The following NRXN3 variants were observed in gnomAD, a reference collection of about 807,000 sequenced individuals.
NRXN3 encodes the protein neurexin III.
Under a neutral mutation model 137.6 loss-of-function variants are expected in NRXN3, and 32 were observed. That is an observed-to-expected ratio of 0.23 (90% CI 0.18 to 0.31). NRXN3 has a LOEUF of 0.31. NRXN3 is among the 10% of genes least tolerant of loss of function. The pLI, the probability that NRXN3 is intolerant of heterozygous loss-of-function variation, is 1.00. For synonymous variants in NRXN3, 798 were observed against 784.5 expected (o/e 1.02, Z -0.29); for missense variants, 1,574 against 2,062.5 (o/e 0.76, Z 4.59).
rs201932600 is a variant in NRXN3, at chr14:79,272,584, A to G, written c.3263-194637A>G. On this transcript the variant is annotated intron_variant, in intron 15 of 20. Transcript: ENST00000335750. ...AAGAAAGAGAGAAAATAAAGAATTA[A>G]AGAAATAGGAAAGAGAAGTCACTAG... 1.7e-3 allele frequency among the ~76,000 whole-genome samples: 262 copies of G among 152,322 alleles called. 2 individuals carry two copies. Among genetic ancestry groups the G allele is most frequent in the African/African-American group, 5.9e-3 (244 of 41,574 alleles).
chr14:78,579,463 T>G (rs1183152528), intron 4 of NRXN3, among the ~76,000 whole-genome samples: 1 of 151,918 alleles, frequency 6.6e-6, no homozygotes, highest in Non-Finnish European at 1.5e-5. Flanking sequence ...TGCTAACCAT[T>G]GTTTAAGACC....
chr14:78,314,893 C>CTCTTTCTTTCTT (rs67628703), intron 4 of NRXN3, among the ~76,000 whole-genome samples: 1,974 of 81,624 alleles, frequency 0.024, 37 homozygotes, highest in Admixed American at 0.041. Context: ...TTCTTTCTTT[C>CTCTTTCTTTCTT]TCTTTCTTTC....
chr14:78,671,981 T>C (rs553039712), intron 6 of NRXN3, among the ~76,000 whole-genome samples: 3 of 152,248 alleles, frequency 2.0e-5, no homozygotes, highest in Non-Finnish European at 2.9e-5. Context: ...AGGATTTTTC[T>C]TTCCTTTCAA....
intron 8 of NRXN3, among the ~76,000 whole-genome samples, chr14:78,747,749 T>C (rs902589751): frequency 7.4e-6 from 1 of 134,824 alleles, no homozygotes; most frequent in Non-Finnish European, 1.7e-5. Flanking sequence ...CCTAAAACAC[T>C]CTTCTCACAC....
At chr14:78,644,929 C>T (rs2097671925) in intron 4 of NRXN3, among the ~76,000 whole-genome samples, 191 bp from the exon 5 acceptor site, 1 of 152,232 alleles carries the variant, frequency 6.6e-6, no homozygotes, top group Admixed American at 6.5e-5. Flanking sequence ...CGTCGTTTCT[C>T]TGCAGTCACC....
intron 15 of NRXN3, among the ~76,000 whole-genome samples, chr14:79,460,486 A>G (rs1405431426): frequency 1.3e-5 from 2 of 152,124 alleles, no homozygotes; most frequent in Non-Finnish European, 2.9e-5. Flanking sequence ...CATCGGGCAG[A>G]AAAAGGGTCT....
intron 4 of NRXN3, among the ~76,000 whole-genome samples, chr14:78,358,609 C>A (rs2084671023): frequency 6.6e-6 from 1 of 152,192 alleles, no homozygotes; most frequent in South Asian, 2.1e-4. Flanking sequence ...GTCAGCTCAT[C>A]TTAGTGGCTG....
At chr14:78,857,014 C>G (rs1201826689) in intron 10 of NRXN3, among the ~76,000 whole-genome samples, 1 of 152,098 alleles carries the variant, frequency 6.6e-6, no homozygotes, top group Non-Finnish European at 1.5e-5. Context: ...ATTACAGGCA[C>G]GAGACACCAC....
intron 15 of NRXN3, chr14:79,280,128 T>C: frequency 6.8e-7 from 1 of 1,466,052 alleles, no homozygotes; most frequent in East Asian, 2.3e-5. Context: ...AAGTAGTAAT[T>C]TTTTAACTGA....
At chr14:79,056,321 T>C (rs536284323) in intron 15 of NRXN3, among the ~76,000 whole-genome samples, 1 of 152,312 alleles carries the variant, frequency 6.6e-6, no homozygotes, top group South Asian at 2.1e-4. Flanking sequence ...AAACATATTT[T>C]AATTTCAATA....
At chr14:78,297,710 A>T in intron 3 of NRXN3, 121 bp from the exon 4 acceptor site, 1 of 767,866 alleles carries the variant, frequency 1.3e-6, no homozygotes, top group South Asian at 1.6e-5. Flanking sequence ...GGCCCCTGTC[A>T]CTCCTTTTTC....
intron 17 of NRXN3, among the ~76,000 whole-genome samples, chr14:79,690,492 T>C (rs1402728387): frequency 6.6e-6 from 1 of 152,136 alleles, no homozygotes; most frequent in African/African-American, 2.4e-5. Context: ...TAATTGTTCC[T>C]ATTGCATTTT....
chr14:78,222,488 T>C (rs2063967996), intron 1 of NRXN3, among the ~76,000 whole-genome samples: 1 of 152,136 alleles, frequency 6.6e-6, no homozygotes, highest in Admixed American at 6.5e-5. Context: ...CCGGACTAAC[T>C]GAGGAGGGCA....
At chr14:79,822,772 G>A (rs1428646737) in intron 20 of NRXN3, among the ~76,000 whole-genome samples, 1 of 133,760 alleles carries the variant, frequency 7.5e-6, no homozygotes, top group Non-Finnish European at 1.7e-5. Context: ...TTTAATTTCA[G>A]TTAAAAAAAT....
At chr14:78,846,142 C>T (rs1253610684) in intron 10 of NRXN3, among the ~76,000 whole-genome samples, 1 of 152,040 alleles carries the variant, frequency 6.6e-6, no homozygotes, top group East Asian at 1.9e-4. Flanking sequence ...TTACAACACT[C>T]CCACTTTCAA....
chr14:79,318,645 T>A (rs765433235), intron 15 of NRXN3, among the ~76,000 whole-genome samples: 4 of 152,152 alleles, frequency 2.6e-5, no homozygotes, highest in Non-Finnish European at 4.4e-5. Flanking sequence ...ATTGGGAGTG[T>A]TCCTTTACGT....
intron 15 of NRXN3, among the ~76,000 whole-genome samples, chr14:79,332,347 G>C (rs1029696241): frequency 6.6e-6 from 1 of 152,078 alleles, no homozygotes; most frequent in African/African-American, 2.4e-5. Flanking sequence ...TGAAAAATTT[G>C]GCATGGCCTT....
At chr14:79,088,111 G>T (rs865788820) in intron 15 of NRXN3, among the ~76,000 whole-genome samples, 1 of 149,890 alleles carries the variant, frequency 6.7e-6, no homozygotes, top group Non-Finnish European at 1.5e-5. Flanking sequence ...CGCATGATAG[G>T]CCAGGGAGAA....
intron 11 of NRXN3, among the ~76,000 whole-genome samples, chr14:78,964,329 G>T (rs1230548552): frequency 1.3e-5 from 2 of 152,142 alleles, no homozygotes; most frequent in African/African-American, 2.4e-5. Context: ...AGACAGAACT[G>T]CCCACTTGAA....
Sources: allele counts gnomAD v4.1 joint callset (sites outside exome capture counted in the v4.1 genomes callset), GRCh38; gene constraint gnomAD v4.1.1; transcripts MANE v1.5; gene names NCBI Gene and HGNC (gene_info 2026-07-23, HGNC 2026-07-21).